ASTN2: variants seen among roughly 807,000 people sequenced by gnomAD.
ASTN2 encodes the protein astrotactin-2.
A neutral mutation model predicts 139.8 loss-of-function variants in ASTN2; 54 were observed. The ratio of observed to expected loss-of-function variants is 0.39; its 90% CI spans 0.31 to 0.48. The LOEUF is 0.48. Among genes scored for constraint, ASTN2 ranks in the 20% least tolerant of loss-of-function variants. ASTN2 has a pLI of 0.95. For synonymous variants in ASTN2, 756 were observed against 719.5 expected, an observed-to-expected ratio of 1.05 and a Z score of -0.81; for missense variants, 1,565 against 1,725.1, an observed-to-expected ratio of 0.91 and a Z score of 1.64.
chr9:117,143,066 T>C (rs1265435599), intron 3 of ASTN2, among the ~76,000 whole-genome samples: 1 of 152,220 alleles, frequency 6.6e-6, no homozygotes, highest in African/African-American at 2.4e-5. Flanking sequence ...GACAGATGTG[T>C]CTGCAGAGTA....
chr9:117,086,034 A>G (rs973382729), intron 5 of ASTN2, among the ~76,000 whole-genome samples: 10 of 152,340 alleles, frequency 6.6e-5, no homozygotes, highest in African/African-American at 2.4e-4. Flanking sequence ...TGTTTAGAAT[A>G]ATATGAAATC....
chr9:116,778,095 T>G (rs915245953), intron 13 of ASTN2, among the ~76,000 whole-genome samples: 2 of 152,138 alleles, frequency 1.3e-5, no homozygotes, highest in African/African-American at 4.8e-5. Flanking sequence ...TCTACCCACC[T>G]TGGCCTCCCA....
chr9:116,762,998 G>T (rs1317716993), intron 13 of ASTN2, among the ~76,000 whole-genome samples: 2 of 152,162 alleles, frequency 1.3e-5, no homozygotes, highest in Non-Finnish European at 2.9e-5. Context: ...AAGAGATACA[G>T]AATAAAAACT....
At chr9:116,703,730 A>AAT (rs1172006042) in intron 16 of ASTN2, among the ~76,000 whole-genome samples, 20 of 8,590 alleles carry the variant, frequency 2.3e-3, no homozygotes, top group Admixed American at 0.012. Flanking sequence ...GTATAATAAT[A>AAT]AAAAAAAAAA....
chr9:117,080,592 AG>A, intron 5 of ASTN2, among the ~76,000 whole-genome samples: 1 of 152,312 alleles, frequency 6.6e-6, no homozygotes, highest in East Asian at 1.9e-4. Context: ...GAGCTCTCGA[AG>A]GTTTTCATTT....
chr9:116,980,968 T>C (rs888938706), intron 7 of ASTN2, among the ~76,000 whole-genome samples: 2 of 152,118 alleles, frequency 1.3e-5, no homozygotes, highest in Admixed American at 1.3e-4. Context: ...TGTGAACTCC[T>C]GTATAGGGAT....
chr9:116,530,130 TATATATATATATATATATATAA>T (rs1466245590), intron 19 of ASTN2, among the ~76,000 whole-genome samples: 2,360 of 32,234 alleles, frequency 0.073, 156 homozygotes, highest in African/African-American at 0.12. Flanking sequence ...TATATATATA[TATATATATATATATATATATAA>T]AATAGAATAT....
At position 117,144,690 on chromosome 9, in the gene ASTN2, T is replaced by G. The variant is rs1297792536; in HGVS notation, c.1016-3212A>C. Among the ~76,000 whole-genome samples, 635 of 80,072 alleles carry G rather than the reference T, an allele frequency of 7.9e-3. 34 individuals carry two copies. The highest frequency in any genetic ancestry group is 0.021 in the African/African-American group (594 of 27,648). The allele number at this position is 80,072 out of a possible 152,430, so 52.5% of individuals were successfully genotyped here. A position where few individuals can be genotyped will look rare whatever the true frequency, so the allele number is the denominator to read the frequency against. On this transcript the variant is annotated intron_variant, in intron 3 of 22. Transcript: ENST00000313400. ...TTTTTTTTTTTTTTTTTTTTTTTTT[T>G]TTTTTTTTTGAGATGGAGTCTCGCT...
At chr9:116,846,586 T>A (rs750762863) in intron 11 of ASTN2, among the ~76,000 whole-genome samples, 16 of 152,160 alleles carry the variant, frequency 1.1e-4, no homozygotes, top group Non-Finnish European at 2.1e-4. Flanking sequence ...CACAGCTAAT[T>A]ATCTGAATAT....
chr9:116,511,589 G>T (rs1388957122), intron 19 of ASTN2, among the ~76,000 whole-genome samples: 2 of 152,018 alleles, frequency 1.3e-5, no homozygotes, highest in East Asian at 1.9e-4. Context: ...TACGAGCTCT[G>T]CCTTGTACCT....
chr9:117,357,409 T>C (rs1487107271), intron 1 of ASTN2, among the ~76,000 whole-genome samples: 1 of 152,046 alleles, frequency 6.6e-6, no homozygotes, highest in African/African-American at 2.4e-5. Context: ...CCGTGGCCAC[T>C]GAGTGTGGAG....
rs778618692 is a variant in ASTN2, at chr9:116,976,819, TAG to T, written c.1592-36_1592-35del. On this transcript the variant is annotated intron_variant, in intron 7 of 22. Transcript: ENST00000313400. ...GAAAAGAAAAAAGATTATTGTTAAG[TAG>T]AGTCTCCCCAAATAGGCTTTTCTCT... The T allele has an allele frequency of 4.4e-6, 7 of 1,587,452 alleles. No individual in the cohort carries two copies. The Admixed American group carries it at 5.0e-5, about 11-fold the overall frequency.
chr9:116,999,816 T>C (rs941446150), intron 7 of ASTN2, among the ~76,000 whole-genome samples: 1 of 152,024 alleles, frequency 6.6e-6, no homozygotes, highest in Non-Finnish European at 1.5e-5. Context: ...TGCCTTAGCG[T>C]CCCAAAGTTC....
chr9:117,369,980 C>A (rs1461679838), intron 1 of ASTN2, among the ~76,000 whole-genome samples: 1 of 152,106 alleles, frequency 6.6e-6, no homozygotes, highest in Non-Finnish European at 1.5e-5. Context: ...TTTGTCATGG[C>A]ACGCTAGTTA....
intron 20 of ASTN2, among the ~76,000 whole-genome samples, chr9:116,476,913 G>A (rs1848998169): frequency 6.6e-6 from 1 of 152,146 alleles, no homozygotes; most frequent in Non-Finnish European, 1.5e-5. Flanking sequence ...CCCTCCTCCA[G>A]TGCCCTTCCT....
At chr9:117,250,547 C>A (rs893852700) in intron 2 of ASTN2, among the ~76,000 whole-genome samples, 3 of 152,104 alleles carry the variant, frequency 2.0e-5, no homozygotes, top group Admixed American at 2.0e-4. Context: ...TGCCTTCTAC[C>A]AAAACCATTC....
intron 19 of ASTN2, among the ~76,000 whole-genome samples, chr9:116,597,900 C>A (rs1347026346): frequency 1.3e-5 from 2 of 152,106 alleles, no homozygotes; most frequent in Non-Finnish European, 2.9e-5. Context: ...GTGCCTGAGG[C>A]TTTTTAATGG....
At chr9:117,264,510 A>G (rs1833897909) in intron 2 of ASTN2, among the ~76,000 whole-genome samples, 1 of 152,230 alleles carries the variant, frequency 6.6e-6, no homozygotes, top group South Asian at 2.1e-4. Context: ...AGTGCCTGGC[A>G]TGTACTAAGC....
chr9:116,425,885 G>C lies in ASTN2; in HGVS notation c.3986C>G (p.Ala1329Gly). The C allele has an allele frequency of 6.2e-7, 1 of 1,614,100 alleles. No homozygotes were observed. The highest frequency in any genetic ancestry group is 8.5e-7 in the Non-Finnish European group (1 of 1,180,022). The change falls in exon 23 of 23, where the codon GCC becomes GGC. Residue 1329 changes from alanine to glycine, a missense_variant. By Grantham distance (60) the Ala-to-Gly change is moderately conservative. Coordinates refer to ENST00000313400, the MANE Select transcript of ASTN2 (RefSeq NM_001365068.1). ...CTTGGACTCCCCGTACGTGTTTCGG[G>C]CCATTGACACCATCTTCTCCTCACA... ...ITCEEKMVSM[A>G]RNTYGESKGR
Sources: gnomAD v4.1 joint callset for allele counts (sites outside exome capture counted in the v4.1 genomes callset) on GRCh38, gnomAD v4.1.1 for gene constraint, MANE v1.5 for transcripts, NCBI Gene and HGNC (gene_info 2026-07-23, HGNC 2026-07-21) for gene names.